PAXIP1: variants seen among roughly 807,000 people sequenced by gnomAD.
PAXIP1 encodes the protein PAX-interacting protein 1.
Under a neutral mutation model 140.6 loss-of-function variants are expected in PAXIP1, and 19 were observed. The observed-to-expected ratio is 0.14, with a 90% CI of 0.09 to 0.20. The LOEUF is 0.20. PAXIP1 is among the 10% of genes least tolerant of loss of function. The pLI is 1.00. For synonymous variants in PAXIP1, 442 were observed against 444.6 expected (o/e 0.99, Z 0.07); for missense variants, 920 against 1,208.6 (o/e 0.76, Z 3.54).
intron 6 of PAXIP1, among the ~76,000 whole-genome samples, chr7:154,975,221 T>C (rs925530181): frequency 1.5e-4 from 23 of 151,880 alleles, no homozygotes; most frequent in Non-Finnish European, 2.6e-4. Flanking sequence ...AGATCCACTC[T>C]GTATCAATAA....
intron 20 of PAXIP1, chr7:154,944,743 G>C (rs1422233047): frequency 6.6e-6 from 1 of 152,258 alleles, no homozygotes; most frequent in Non-Finnish European, 1.5e-5. Flanking sequence ...AAAAATGCAA[G>C]AGTACATGTT....
intron 3 of PAXIP1, among the ~76,000 whole-genome samples, chr7:154,992,645 A>G (rs1810397724): frequency 6.6e-6 from 1 of 152,126 alleles, no homozygotes; most frequent in Non-Finnish European, 1.5e-5. Flanking sequence ...ACAGAGAATA[A>G]ATGACCTGGA....
At chr7:154,978,393 C>T (rs927380092) in intron 5 of PAXIP1, among the ~76,000 whole-genome samples, 1 of 152,144 alleles carries the variant, frequency 6.6e-6, no homozygotes, top group African/African-American at 2.4e-5. Context: ...ACTTCCCTTC[C>T]CAAAAAGGCT....
intron 10 of PAXIP1, 86 bp from the exon 11 acceptor site, chr7:154,961,734 C>T (rs1465009263): frequency 8.8e-7 from 1 of 1,133,086 alleles, no homozygotes; most frequent in South Asian, 1.6e-5. Context: ...TTAGTTGATA[C>T]ATATTTTTTC....
At chr7:154,945,607 C>A in intron 20 of PAXIP1, 1 of 964,592 alleles carries the variant, frequency 1.0e-6, no homozygotes, top group Non-Finnish European at 1.2e-6. Context: ...GAGGCTCCCA[C>A]CCTCACAGAG....
chr7:154,962,887 T>C (rs1469291052), intron 9 of PAXIP1, among the ~76,000 whole-genome samples: 3 of 152,240 alleles, frequency 2.0e-5, no homozygotes, highest in African/African-American at 4.8e-5. Context: ...AAGCAGATCC[T>C]GTGAATGGCT....
intron 20 of PAXIP1, chr7:154,945,947 A>G: frequency 1.0e-6 from 1 of 985,268 alleles, no homozygotes; most frequent in Non-Finnish European, 1.2e-6. Flanking sequence ...TCCATTTAGT[A>G]GTAATTTATC....
chr7:154,960,225 C>T (rs369535060), intron 12 of PAXIP1, among the ~76,000 whole-genome samples: 1 of 152,136 alleles, frequency 6.6e-6, no homozygotes, highest in Non-Finnish European at 1.5e-5. Context: ...ACCCTCCCAC[C>T]GTGGGTTGTC....
chr7:154,997,758 C>A (rs1015486123), intron 2 of PAXIP1, among the ~76,000 whole-genome samples: 1 of 152,216 alleles, frequency 6.6e-6, no homozygotes, highest in East Asian at 1.9e-4. Flanking sequence ...AAGTTGGATA[C>A]ACCCCAGACG....
At position 154,961,026 on chromosome 7, in the gene PAXIP1, G is replaced by A. The variant is rs61752008; in HGVS notation, c.2301C>T (p.Val767=). ...EKAKEWRIPC[V]NAQWLGDILL... ...GAATGTCGCCAAGCCACTGGGCGTT[G>A]ACACAGGGTATCCTCCACTCTTTGG... Residue 767 remains valine, a synonymous_variant, in exon 12 of 21, where the codon GTC becomes GTT. Transcript: ENST00000404141. The A allele has an allele frequency of 1.9e-3, 3,066 of 1,601,134 alleles. 35 individuals carry two copies. Among genetic ancestry groups the A allele is most frequent in the South Asian group, 0.016 (1,432 of 88,580 alleles).
intron 4 of PAXIP1, among the ~76,000 whole-genome samples, chr7:154,988,630 C>T (rs1271902147): frequency 2.0e-5 from 3 of 152,124 alleles, no homozygotes; most frequent in Non-Finnish European, 4.4e-5. Flanking sequence ...TTCACCAAAT[C>T]AAGTCTTCAA....
intron 6 of PAXIP1, among the ~76,000 whole-genome samples, chr7:154,971,209 C>T (rs1809304136): frequency 6.6e-6 from 1 of 152,236 alleles, no homozygotes; most frequent in South Asian, 2.1e-4. Flanking sequence ...CAACTTACAG[C>T]TGTTTCTACT....
At chr7:154,977,203 G>A (rs901260594) in intron 5 of PAXIP1, among the ~76,000 whole-genome samples, 1 of 152,042 alleles carries the variant, frequency 6.6e-6, no homozygotes, top group Admixed American at 6.5e-5. Context: ...GCACAGGGGA[G>A]GGAATAACAA....
At chr7:154,982,454 G>GA (rs1273977698) in intron 5 of PAXIP1, among the ~76,000 whole-genome samples, 1 of 152,092 alleles carries the variant, frequency 6.6e-6, no homozygotes, top group Non-Finnish European at 1.5e-5. Flanking sequence ...GTGTTCAAGC[G>GA]ATTCTCCTGC....
chr7:154,963,994 GAGA>G lies in PAXIP1; in HGVS notation c.1894-231_1894-229del. 1 of 492,946 alleles carries G rather than the reference GAGA, an allele frequency of 2.0e-6. No homozygotes were observed. The highest frequency in any genetic ancestry group is 2.2e-5 in the South Asian group (1 of 45,668). The allele number at this position is 492,946 out of a possible 1,614,324, so 30.5% of individuals were successfully genotyped here. On this transcript the variant is annotated intron_variant, in intron 8 of 20. Transcript: ENST00000404141. This position sits in a 1 kb window ranked among gnomAD's most constrained non-coding sequence, Gnocchi z 4.1. ...TTTAATCTGAATTCCCAGGATACAA[GAGA>G]AGAACAATGGAATGCACTCCAGGGC...
At chr7:154,944,196 A>G (rs1007747162) in intron 20 of PAXIP1, 32 bp from the exon 21 acceptor site, 3 of 1,587,660 alleles carry the variant, frequency 1.9e-6, no homozygotes, top group African/African-American at 1.3e-5. Flanking sequence ...ACTTTCAAAC[A>G]CAAGGCAAAA....
intron 4 of PAXIP1, among the ~76,000 whole-genome samples, chr7:154,984,999 G>A (rs918798136): frequency 3.3e-5 from 5 of 152,076 alleles, no homozygotes; most frequent in Non-Finnish European, 7.4e-5. Context: ...TTAATACGAC[G>A]CCTCCAATAA....
intron 4 of PAXIP1, among the ~76,000 whole-genome samples, chr7:154,985,018 T>C (rs937064587): frequency 6.6e-6 from 1 of 152,200 alleles, no homozygotes; most frequent in Non-Finnish European, 1.5e-5. Flanking sequence ...AACTCGCTTA[T>C]GTCAACTTGG....
At chr7:154,998,084 G>A (rs1265597619) in intron 2 of PAXIP1, among the ~76,000 whole-genome samples, 1 of 152,196 alleles carries the variant, frequency 6.6e-6, no homozygotes, top group Non-Finnish European at 1.5e-5. Flanking sequence ...CAGGCATAAA[G>A]GATGGCCTAG....
Sources: allele counts gnomAD v4.1 joint callset (sites outside exome capture counted in the v4.1 genomes callset), GRCh38; gene constraint gnomAD v4.1.1; non-coding constraint Gnocchi (gnomAD v3.1); transcripts MANE v1.5; gene names NCBI Gene and HGNC (gene_info 2026-07-23, HGNC 2026-07-21).